Variants in TRDN observed in about 807,000 individuals in gnomAD.
TRDN encodes the protein triadin in skeletal muscle.
A neutral mutation model predicts 149.7 loss-of-function variants in TRDN; 161 were observed. That is an observed-to-expected ratio of 1.08 (90% confidence interval 0.95 to 1.23). TRDN has a LOEUF of 1.23. Ranked by LOEUF, TRDN falls within the 50% of genes most tolerant of loss-of-function variation. The pLI, the probability that TRDN is intolerant of heterozygous loss-of-function variation, is 0.00. For missense variants in TRDN, 896 were observed against 823.5 expected (o/e 1.09, Z -1.08); for synonymous variants, 294 against 250.5 (o/e 1.17, Z -1.64).
rs1455348430 is a variant in TRDN at position 123,325,665 on chromosome 6, C to T, written c.1471+6214G>A. Among the ~76,000 whole-genome samples the T allele has an allele frequency of 2.0e-5, 3 of 152,094 alleles. No homozygotes were observed. The East Asian group carries it at 5.8e-4, about 29-fold the overall frequency. ...ACACTAAATAACTTTAAAACTGGAA[C>T]TTTGGGGACAAAACTCCACCTTTTT... On this transcript the variant is annotated intron_variant, in intron 23 of 40. Coordinates refer to ENST00000334268, the MANE Select transcript of TRDN (RefSeq NM_006073.4).
At chr6:123,434,571 T>C (rs892120698) in intron 12 of TRDN, among the ~76,000 whole-genome samples, 3 of 152,164 alleles carry the variant, frequency 2.0e-5, no homozygotes, top group Admixed American at 1.3e-4. Flanking sequence ...TTCAATAACA[T>C]TGTAGGTACT....
At chr6:123,573,929 T>C (rs1385488004) in intron 1 of TRDN, among the ~76,000 whole-genome samples, 1 of 152,136 alleles carries the variant, frequency 6.6e-6, no homozygotes, top group African/African-American at 2.4e-5. Flanking sequence ...TTAAATACTT[T>C]AGTTAATAAA....
At chr6:123,616,078 C>G (rs138388847) in intron 1 of TRDN, among the ~76,000 whole-genome samples, 2 of 152,202 alleles carry the variant, frequency 1.3e-5, no homozygotes, top group East Asian at 1.9e-4. Flanking sequence ...AGGCTGGGGG[C>G]AGTGGCTGAA....
At chr6:123,227,768 G>A (rs1775440115) in intron 38 of TRDN, among the ~76,000 whole-genome samples, 1 of 151,664 alleles carries the variant, frequency 6.6e-6, no homozygotes, top group Non-Finnish European at 1.5e-5. Context: ...TGTTTTTTGA[G>A]ATAAGATCTC....
rs147550100 is a variant in TRDN, at chr6:123,279,445, T to C, written c.1511-363A>G. On this transcript the variant is annotated intron_variant, in intron 24 of 40. Coordinates refer to ENST00000334268, the MANE Select transcript of TRDN (RefSeq NM_006073.4). ...AGTGGCCAGTCTGTGGGCCATTTTG[T>C]CAGCCTCTGCTCTATTCATAGTCAG... 2.6e-3 allele frequency among the ~76,000 whole-genome samples: 398 copies of C among 152,286 alleles called. 1 individual carries two copies. Among genetic ancestry groups the C allele is most frequent in the African/African-American group, 9.3e-3 (388 of 41,562 alleles).
At chr6:123,508,492 A>G (rs537257164) in intron 7 of TRDN, among the ~76,000 whole-genome samples, 26 of 152,172 alleles carry the variant, frequency 1.7e-4, no homozygotes, top group Non-Finnish European at 1.8e-4. Context: ...CAGACATCTG[A>G]AGGTCACACT....
At chr6:123,631,421 TAATGTTACC>T (rs1785999832) in intron 1 of TRDN, among the ~76,000 whole-genome samples, 1 of 152,038 alleles carries the variant, frequency 6.6e-6, no homozygotes, top group African/African-American at 2.4e-5. Flanking sequence ...TGTCTCTAAT[TAATGTTACC>T]AATAATATGA....
intron 9 of TRDN, among the ~76,000 whole-genome samples, chr6:123,487,494 C>T (rs772937756): frequency 1.7e-4 from 26 of 152,148 alleles, no homozygotes; most frequent in Non-Finnish European, 2.9e-4. Flanking sequence ...CCATATTCTA[C>T]AATTTTTTTC....
At chr6:123,244,607 A>G (rs1383539653) in intron 38 of TRDN, among the ~76,000 whole-genome samples, 1 of 152,204 alleles carries the variant, frequency 6.6e-6, no homozygotes, top group African/African-American at 2.4e-5. Flanking sequence ...GAAAAGACCA[A>G]ACCTATGTTT....
intron 23 of TRDN, among the ~76,000 whole-genome samples, chr6:123,321,983 G>A (rs1779259348): frequency 6.6e-6 from 1 of 152,130 alleles, no homozygotes; most frequent in Non-Finnish European, 1.5e-5. Flanking sequence ...CCAACACCCA[G>A]CATCTGCTAC....
At chr6:123,503,289 A>AT (rs1044504689) in intron 8 of TRDN, 25 of 985,202 alleles carry the variant, frequency 2.5e-5, no homozygotes, top group Non-Finnish European at 3.0e-5. Flanking sequence ...AGTTTTTATG[A>AT]TATTTACTCT....
chr6:123,296,882 C>T (rs992048957), intron 24 of TRDN, among the ~76,000 whole-genome samples: 3 of 152,014 alleles, frequency 2.0e-5, no homozygotes, highest in Non-Finnish European at 2.9e-5. Flanking sequence ...ATTTGGTAAA[C>T]AAGAATTGTC....
intron 12 of TRDN, among the ~76,000 whole-genome samples, chr6:123,430,761 G>A (rs967136248): frequency 2.0e-5 from 3 of 151,916 alleles, no homozygotes; most frequent in Non-Finnish European, 2.9e-5. Flanking sequence ...ATGAACCTTC[G>A]CTCCTTCTGA....
At position 123,512,417 on chromosome 6, in the gene TRDN, C is replaced by T. The variant is rs909721478; in HGVS notation, c.551-55G>A. On this transcript the variant is annotated intron_variant, in intron 6 of 40. Coordinates refer to ENST00000334268, the MANE Select transcript of TRDN (RefSeq NM_006073.4). ...ATTTTTAATAGATTTCAAAACCAAG[C>T]TTTCTTTTGACCTCAGTTTCATAAG... is the stretch of plus-strand genomic sequence containing the variant. The T allele has an allele frequency of 4.8e-5, 53 of 1,100,406 alleles. No individual in the cohort carries two copies. In the African/African-American group the frequency reaches 7.9e-4, roughly 16 times the overall value. The allele number at this position is 1,100,406 out of a possible 1,614,324, so 68.2% of individuals were successfully genotyped here. A position where few individuals can be genotyped will look rare whatever the true frequency, so the allele number is the denominator to read the frequency against.
chr6:123,314,725 A>G (rs1778961386), intron 24 of TRDN, among the ~76,000 whole-genome samples: 1 of 152,072 alleles, frequency 6.6e-6, no homozygotes. Context: ...CATTATCCTT[A>G]GGAAACTAAT....
chr6:123,401,292 A>T (rs968185327), intron 12 of TRDN, among the ~76,000 whole-genome samples: 1 of 152,232 alleles, frequency 6.6e-6, no homozygotes, highest in African/African-American at 2.4e-5. Flanking sequence ...AAGGGTAGAC[A>T]TCCTGAATGG....
chr6:123,461,431 T>C (rs1409436676), intron 10 of TRDN, among the ~76,000 whole-genome samples: 2 of 152,232 alleles, frequency 1.3e-5, no homozygotes, highest in Non-Finnish European at 2.9e-5. Context: ...AAATTGCAGC[T>C]GTTTAATGAA....
intron 10 of TRDN, among the ~76,000 whole-genome samples, chr6:123,446,987 T>C (rs1775420073): frequency 6.6e-6 from 1 of 152,162 alleles, no homozygotes. Context: ...AGCAACATGG[T>C]AAGAGTACCT....
chr6:123,586,912 A>G (rs1474395810), intron 1 of TRDN, among the ~76,000 whole-genome samples: 3 of 151,962 alleles, frequency 2.0e-5, no homozygotes, highest in South Asian at 2.1e-4. Flanking sequence ...CAGAGATATA[A>G]GAGGTTAGGG....
Sources: allele counts gnomAD v4.1 joint callset (sites outside exome capture counted in the v4.1 genomes callset), GRCh38; gene constraint gnomAD v4.1.1; transcripts MANE v1.5; gene names NCBI Gene and HGNC (gene_info 2026-07-23, HGNC 2026-07-21).